PANK1: variants seen among roughly 807,000 people sequenced by gnomAD.
The protein encoded by PANK1 is pantothenic acid kinase 1.
Under a neutral mutation model 40.1 loss-of-function variants are expected in PANK1, and 18 were observed. The ratio of observed to expected loss-of-function variants is 0.45; its 90% CI spans 0.31 to 0.67. PANK1 has a LOEUF of 0.67. Among genes scored for constraint, PANK1 ranks in the 30% least tolerant of loss-of-function variants. The probability of loss-of-function intolerance (pLI) is 0.06; values close to 1 mark genes in which losing one functional copy is unlikely to be tolerated. For synonymous variants in PANK1, 242 were observed against 237.7 expected, an observed-to-expected ratio of 1.02 and a Z score of -0.17; for missense variants, 457 against 599.6, an observed-to-expected ratio of 0.76 and a Z score of 2.48.
At chr10:89,592,860 T>C (rs1278053999) in intron 5 of PANK1, 2 of 547,442 alleles carry the variant, frequency 3.7e-6, no homozygotes, top group African/African-American at 3.8e-5. Flanking sequence ...GCATTTTACC[T>C]GCAGTTATGT....
chr10:89,620,973 TC>T (rs1165554862), intron 1 of PANK1, among the ~76,000 whole-genome samples: 1 of 152,158 alleles, frequency 6.6e-6, no homozygotes, highest in African/African-American at 2.4e-5. Context: ...TTAATTATGT[TC>T]AAGTTGCCTA....
intron 3 of PANK1, among the ~76,000 whole-genome samples, chr10:89,597,536 T>C (rs762722857): frequency 6.6e-5 from 10 of 152,170 alleles, no homozygotes; most frequent in Non-Finnish European, 1.3e-4. Context: ...TTTATAGACA[T>C]TATTACACAC....
At chr10:89,627,203 T>C (rs1356962895) in intron 1 of PANK1, among the ~76,000 whole-genome samples, 1 of 150,766 alleles carries the variant, frequency 6.6e-6, no homozygotes, top group Non-Finnish European at 1.5e-5. Flanking sequence ...CAATCACGGA[T>C]TGAACCAACT....
rs139753478 is a variant in PANK1 at position 89,627,595 on chromosome 10, C to T, written c.293-15547G>A. Among the ~76,000 whole-genome samples the T allele has an allele frequency of 3.0e-3, 451 of 152,292 alleles. 3 individuals carry two copies. Among genetic ancestry groups the T allele is most frequent in the African/African-American group, 0.011 (439 of 41,550 alleles). ...CAGTCAGGATGCGGCAATGAGCCAG[C>T]CCCCTTGGCACTTAAATTCTAGTAC... is the stretch of plus-strand genomic sequence containing the variant. On this transcript the variant is annotated intron_variant, in intron 1 of 6. Coordinates refer to ENST00000307534, the MANE Select transcript of PANK1 (RefSeq NM_148977.3).
chr10:89,595,167 C>G (rs1203638341), intron 3 of PANK1, among the ~76,000 whole-genome samples: 1 of 152,170 alleles, frequency 6.6e-6, no homozygotes, highest in African/African-American at 2.4e-5. Flanking sequence ...TAAAACGAAA[C>G]TGACCGGGCG....
At chr10:89,599,053 C>G (rs1043503479) in intron 3 of PANK1, 199 bp downstream of exon 3, 102 of 545,982 alleles carry the variant, frequency 1.9e-4, no homozygotes, top group African/African-American at 1.8e-3. Flanking sequence ...AAGTTTCTAT[C>G]AAGGCAAGAA....
At chr10:89,579,669 T>C (rs976245411), downstream of PANK1, 4 of 152,200 alleles carry the variant, frequency 2.6e-5, no homozygotes, top group Non-Finnish European at 5.9e-5. Context: ...CATGACTTAA[T>C]CATACTTGCA....
chr10:89,643,713 T>C (rs1240865289), intron 1 of PANK1: 3 of 1,613,972 alleles, frequency 1.9e-6, no homozygotes, highest in Admixed American at 1.7e-5. Flanking sequence ...TTTTGCCATT[T>C]ATAAGCTTCA....
intron 1 of PANK1, among the ~76,000 whole-genome samples, chr10:89,631,446 C>A (rs768563245): frequency 2.4e-4 from 37 of 152,196 alleles, no homozygotes; most frequent in Non-Finnish European, 4.7e-4. Flanking sequence ...TTGGTTCAAT[C>A]CTGAATCCAG....
At chr10:89,590,457 G>A (rs7077189) in intron 5 of PANK1, among the ~76,000 whole-genome samples, 93,068 of 151,886 alleles carry the variant, frequency 0.61, 29,031 homozygotes, top group East Asian at 0.93. Context: ...TGGTGGGAAT[G>A]TAAATTAGAA....
chr10:89,607,202 TA>T (rs2133955576), intron 2 of PANK1, among the ~76,000 whole-genome samples: 1 of 152,354 alleles, frequency 6.6e-6, no homozygotes, highest in East Asian at 1.9e-4. Flanking sequence ...CTTGAATATT[TA>T]GAGGCCAATT....
At chr10:89,594,065 T>C (rs978790895) in intron 3 of PANK1, 76 bp from the exon 4 acceptor site, 2 of 993,142 alleles carry the variant, frequency 2.0e-6, no homozygotes, top group African/African-American at 3.2e-5. Context: ...ACGTCAAGAC[T>C]ATTAATATGG....
At chr10:89,589,318 G>GT (rs1844299465) in intron 5 of PANK1, among the ~76,000 whole-genome samples, 1 of 152,178 alleles carries the variant, frequency 6.6e-6, no homozygotes, top group South Asian at 2.1e-4. Flanking sequence ...CAACACATGA[G>GT]TTAAAATATG....
intron 2 of PANK1, among the ~76,000 whole-genome samples, chr10:89,609,509 A>G (rs555456355): frequency 3.9e-5 from 6 of 152,384 alleles, no homozygotes; most frequent in African/African-American, 1.4e-4. Flanking sequence ...AGGAAGGAGG[A>G]TAACACCTAT....
chr10:89,617,594 G>A (rs539853216), intron 1 of PANK1, among the ~76,000 whole-genome samples: 148 of 152,192 alleles, frequency 9.7e-4, no homozygotes, highest in Non-Finnish European at 1.9e-3. Flanking sequence ...CACACCCACT[G>A]TTAACACTCT....
chr10:89,603,297 C>T (rs894484607), intron 2 of PANK1, among the ~76,000 whole-genome samples: 4 of 152,136 alleles, frequency 2.6e-5, no homozygotes, highest in Non-Finnish European at 1.5e-5. Context: ...ACTCTTTTAA[C>T]CCAGTAGGTG....
intron 4 of PANK1, 147 bp downstream of exon 4, chr10:89,593,666 A>C: frequency 1.5e-6 from 1 of 672,192 alleles, no homozygotes; most frequent in Non-Finnish European, 2.6e-6. Flanking sequence ...TGCTTCATCA[A>C]GGGCAGGAGA....
chr10:89,629,749 G>A (rs188171912), intron 1 of PANK1, among the ~76,000 whole-genome samples: 1 of 152,252 alleles, frequency 6.6e-6, no homozygotes, highest in East Asian at 1.9e-4. Flanking sequence ...ACTTTATTTG[G>A]ATTACACAAT....
intron 5 of PANK1, 55 bp from the exon 6 acceptor site, chr10:89,588,832 C>A: frequency 7.5e-7 from 1 of 1,340,416 alleles, no homozygotes; most frequent in South Asian, 1.4e-5. Context: ...TAGCATTTGG[C>A]AAAGACCCAA....
Sources: gnomAD v4.1 joint callset for allele counts (sites outside exome capture counted in the v4.1 genomes callset) on GRCh38, gnomAD v4.1.1 for gene constraint, MANE v1.5 for transcripts, NCBI Gene and HGNC (gene_info 2026-07-23, HGNC 2026-07-21) for gene names.